SGCD: variants seen among roughly 807,000 people sequenced by gnomAD.
The protein encoded by SGCD is delta-sarcoglycan.
In SGCD, 18 loss-of-function variants were observed where a neutral mutation model predicts 36.6. That is an observed-to-expected ratio of 0.49 (90% CI 0.34 to 0.73). SGCD has a LOEUF of 0.73. Ranked by LOEUF, SGCD falls within the 30% of genes least tolerant of loss-of-function variation. SGCD has a pLI of 0.01. For missense variants in SGCD, 387 were observed against 346.7 expected (o/e 1.12, Z -0.92); for synonymous variants, 133 against 130.6 (o/e 1.02, Z -0.12).
At chr5:156,617,587 C>G (rs1762064433) in intron 6 of SGCD, among the ~76,000 whole-genome samples, 1 of 152,074 alleles carries the variant, frequency 6.6e-6, no homozygotes, top group Non-Finnish European at 1.5e-5. Flanking sequence ...GGTCCACTGC[C>G]CAGTGGGAGA....
chr5:156,269,449 G>A (rs1477839764), intron 3 of SGCD, among the ~76,000 whole-genome samples: 10 of 119,012 alleles, frequency 8.4e-5, no homozygotes, highest in African/African-American at 3.3e-4. Flanking sequence ...CAGCCTAGGG[G>A]ACAGAGTGAG....
At chr5:156,657,386 T>C (rs1763732185) in intron 7 of SGCD, among the ~76,000 whole-genome samples, 1 of 142,092 alleles carries the variant, frequency 7.0e-6, no homozygotes. Context: ...CCTAATGCTA[T>C]CCCTCCCCCC....
chr5:156,050,032 G>T (rs1759876023), intron 1 of SGCD, among the ~76,000 whole-genome samples: 1 of 146,988 alleles, frequency 6.8e-6, no homozygotes, highest in African/African-American at 2.4e-5. Flanking sequence ...TTGTTGAAAT[G>T]GCAACAAAGG....
intron 3 of SGCD, among the ~76,000 whole-genome samples, chr5:156,406,036 G>GAAAAAATT: frequency 7.3e-6 from 1 of 136,632 alleles, no homozygotes; most frequent in South Asian, 2.5e-4. Flanking sequence ...AAAAAAAAAG[G>GAAAAAATT]CCTCTGGGCA....
chr5:156,688,596 G>A (rs1447465232), intron 7 of SGCD, among the ~76,000 whole-genome samples: 5 of 152,276 alleles, frequency 3.3e-5, no homozygotes, highest in East Asian at 1.9e-4. Context: ...CAGAAGGCTC[G>A]CAGGTAGAAA....
intron 7 of SGCD, among the ~76,000 whole-genome samples, chr5:156,696,612 C>T (rs1054879809): frequency 2.6e-5 from 4 of 152,188 alleles, no homozygotes; most frequent in East Asian, 1.9e-4. Context: ...CAGCTTCAAG[C>T]GATTCTCCTG....
At chr5:156,288,585 A>G (rs142713799) in intron 3 of SGCD, among the ~76,000 whole-genome samples, 2 of 152,188 alleles carry the variant, frequency 1.3e-5, no homozygotes, top group African/African-American at 4.8e-5. Context: ...CAGTGAAAAA[A>G]TAATACAATG....
chr5:156,298,678 A>G (rs998318052), intron 3 of SGCD, among the ~76,000 whole-genome samples: 5 of 137,430 alleles, frequency 3.6e-5, no homozygotes, highest in Admixed American at 8.1e-5. Flanking sequence ...TGATCCACCC[A>G]CCTCAGCCTC....
At chr5:156,592,076 TCC>T (rs1760743928) in intron 5 of SGCD, among the ~76,000 whole-genome samples, 1 of 152,152 alleles carries the variant, frequency 6.6e-6, no homozygotes, top group South Asian at 2.1e-4. Flanking sequence ...ACTGCTATAG[TCC>T]TTTAGTATAT....
At chr5:156,560,188 A>G (rs1343138056) in intron 4 of SGCD, among the ~76,000 whole-genome samples, 1 of 152,208 alleles carries the variant, frequency 6.6e-6, no homozygotes, top group African/African-American at 2.4e-5. Flanking sequence ...AAGGAAAATG[A>G]GCCAGATGTA....
intron 3 of SGCD, among the ~76,000 whole-genome samples, chr5:156,176,574 CTTTG>C (rs1277239256): frequency 6.6e-6 from 1 of 151,828 alleles, no homozygotes; most frequent in Non-Finnish European, 1.5e-5. Context: ...GTGTGTGCTG[CTTTG>C]TTTACTTTCA....
chr5:156,522,053 G>A (rs1422916406), intron 4 of SGCD, among the ~76,000 whole-genome samples: 1 of 152,152 alleles, frequency 6.6e-6, no homozygotes. Flanking sequence ...AAGGGACATA[G>A]ATGAAGCTGG....
intron 7 of SGCD, chr5:156,738,739 G>A (rs924777413): frequency 6.6e-6 from 1 of 152,160 alleles, no homozygotes; most frequent in African/African-American, 2.4e-5. Flanking sequence ...AGTTTGAGGG[G>A]GGAATGACTA....
chr5:155,839,052 G>C, the SGCD span, among the ~76,000 whole-genome samples: 1,360 of 149,996 alleles, frequency 9.1e-3, 20 homozygotes, highest in African/African-American at 0.032. Context: ...AAAGAGGTGG[G>C]TAGGAGCAAA....
At chr5:155,802,162 AG>A in the SGCD span, among the ~76,000 whole-genome samples, 1 of 152,204 alleles carries the variant, frequency 6.6e-6, no homozygotes, top group Non-Finnish European at 1.5e-5. Context: ...CTTGAACTGA[AG>A]GCAGGCTAAC....
intron 7 of SGCD, among the ~76,000 whole-genome samples, chr5:156,687,937 G>A (rs573377982): frequency 4.2e-4 from 64 of 152,124 alleles, no homozygotes; most frequent in Non-Finnish European, 8.4e-4. Flanking sequence ...ATTCTAGGAA[G>A]CATGAGAAAT....
chr5:155,956,222 C>A (rs570668514), intron 1 of SGCD, among the ~76,000 whole-genome samples: 1 of 151,672 alleles, frequency 6.6e-6, no homozygotes, highest in African/African-American at 2.4e-5. Context: ...GATTTAGACC[C>A]TTCCTGCTGT....
chr5:156,711,291 G>C (rs1421859737), intron 7 of SGCD, among the ~76,000 whole-genome samples: 2 of 152,152 alleles, frequency 1.3e-5, no homozygotes, highest in African/African-American at 4.8e-5. Flanking sequence ...CAGAGTTCTA[G>C]AATTTCCTAC....
intron 3 of SGCD, among the ~76,000 whole-genome samples, chr5:156,474,037 C>T (rs1366378768): frequency 1.3e-5 from 2 of 150,574 alleles, no homozygotes; most frequent in African/African-American, 4.9e-5. Context: ...AGATAATTTT[C>T]CCCAGCCCCT....
Sources: allele counts gnomAD v4.1 joint callset (sites outside exome capture counted in the v4.1 genomes callset), GRCh38; gene constraint gnomAD v4.1.1; transcripts MANE v1.5; gene names NCBI Gene and HGNC (gene_info 2026-07-23, HGNC 2026-07-21).